B3GAT2: variants seen among roughly 807,000 people sequenced by gnomAD.
B3GAT2 encodes galactosylgalactosylxylosylprotein 3-beta-glucuronosyltransferase 2.
In B3GAT2, 26 loss-of-function variants were observed where a neutral mutation model predicts 27.8. The ratio of observed to expected loss-of-function variants is 0.93; its 90% CI spans 0.68 to 1.30. The LOEUF is 1.30. Ranked by LOEUF, B3GAT2 falls within the 50% of genes most tolerant of loss-of-function variation. The pLI, the probability that B3GAT2 is intolerant of heterozygous loss-of-function variation, is 0.00. For synonymous variants in B3GAT2, 218 were observed against 195.1 expected (o/e 1.12, Z -0.98); for missense variants, 458 against 459.0 (o/e 1.00, Z 0.02).
At chr6:70,868,375 CTCT>C (rs1390321339) in intron 2 of B3GAT2, among the ~76,000 whole-genome samples, 3 of 152,188 alleles carry the variant, frequency 2.0e-5, no homozygotes, top group Non-Finnish European at 4.4e-5. Flanking sequence ...AGCAAGCCTC[CTCT>C]TCTTCCTTCA....
chr6:70,863,752 T>C (rs7769079), intron 2 of B3GAT2, among the ~76,000 whole-genome samples: 18 of 152,272 alleles, frequency 1.2e-4, no homozygotes, highest in African/African-American at 3.8e-4. Context: ...TAAATAAAAA[T>C]ACTATTGTCA....
chr6:70,908,249 A>C (rs1160883243), intron 1 of B3GAT2, among the ~76,000 whole-genome samples: 1 of 152,234 alleles, frequency 6.6e-6, no homozygotes, highest in Non-Finnish European at 1.5e-5. Context: ...AGTTAGTGCT[A>C]GGAGCTATAA....
intron 2 of B3GAT2, among the ~76,000 whole-genome samples, chr6:70,875,673 G>T (rs946471937): frequency 6.6e-6 from 1 of 152,132 alleles, no homozygotes; most frequent in Non-Finnish European, 1.5e-5. Flanking sequence ...GCATGCCTTG[G>T]TTGTTAAACA....
At chr6:70,955,711 G>A (rs944642795) in intron 1 of B3GAT2, 128 bp downstream of exon 1, 2 of 1,149,296 alleles carry the variant, frequency 1.7e-6, no homozygotes, top group South Asian at 1.7e-5. Context: ...TCGGTGCCCC[G>A]AATGCGCGCA....
At chr6:70,894,819 C>T (rs1479263403) in intron 1 of B3GAT2, among the ~76,000 whole-genome samples, 1 of 152,178 alleles carries the variant, frequency 6.6e-6, no homozygotes, top group Non-Finnish European at 1.5e-5. Context: ...AACACATACC[C>T]TAAACATTTG....
intron 2 of B3GAT2, among the ~76,000 whole-genome samples, chr6:70,870,575 T>G (rs974349932): frequency 2.2e-4 from 34 of 151,998 alleles, no homozygotes; most frequent in Non-Finnish European, 4.4e-4. Flanking sequence ...AGAGTTTTCC[T>G]TTTCAACAGA....
chr6:70,878,324 G>A (rs763443430), intron 2 of B3GAT2, among the ~76,000 whole-genome samples: 15 of 152,086 alleles, frequency 9.9e-5, no homozygotes, highest in Non-Finnish European at 1.2e-4. Context: ...TTTAGTTTTT[G>A]GACTCATTGA....
chr6:70,869,337 A>G (rs2150022966), intron 2 of B3GAT2, among the ~76,000 whole-genome samples: 1 of 152,272 alleles, frequency 6.6e-6, no homozygotes, highest in East Asian at 1.9e-4. Flanking sequence ...GTAGTTTTAT[A>G]AGTTTTCAAA....
chr6:70,899,680 T>G (rs963548059), intron 1 of B3GAT2, among the ~76,000 whole-genome samples: 1 of 152,216 alleles, frequency 6.6e-6, no homozygotes, highest in Non-Finnish European at 1.5e-5. Flanking sequence ...CCTCGACCAC[T>G]ATACTATATA....
intron 2 of B3GAT2, among the ~76,000 whole-genome samples, chr6:70,886,013 G>A (rs566921717): frequency 6.0e-4 from 91 of 152,330 alleles, no homozygotes; most frequent in African/African-American, 2.1e-3. Context: ...GCACAGTCTT[G>A]TTTCTTGGTT....
At chr6:70,920,489 A>G (rs933396855) in intron 1 of B3GAT2, among the ~76,000 whole-genome samples, 1 of 152,112 alleles carries the variant, frequency 6.6e-6, no homozygotes, top group African/African-American at 2.4e-5. Context: ...TGCAGAAATT[A>G]CCTGTCTTCT....
intron 1 of B3GAT2, among the ~76,000 whole-genome samples, chr6:70,949,755 G>T (rs1273839906): frequency 6.6e-6 from 1 of 151,778 alleles, no homozygotes; most frequent in Non-Finnish European, 1.5e-5. Context: ...ACATGCACAT[G>T]TATGTTTATT....
chr6:70,947,180 G>C (rs1765500955), intron 1 of B3GAT2, among the ~76,000 whole-genome samples: 2 of 151,758 alleles, frequency 1.3e-5, no homozygotes, highest in Non-Finnish European at 2.9e-5. Context: ...AACTAGAAAA[G>C]CAAGAGCAAA....
chr6:70,889,024 C>T (rs1295678350), intron 2 of B3GAT2, among the ~76,000 whole-genome samples: 1 of 152,180 alleles, frequency 6.6e-6, no homozygotes, highest in South Asian at 2.1e-4. Flanking sequence ...CTCCTTGAGG[C>T]GAGGGGCTGC....
chr6:70,890,261 TC>T (rs994218545), intron 2 of B3GAT2, among the ~76,000 whole-genome samples: 9 of 151,566 alleles, frequency 5.9e-5, no homozygotes, highest in Non-Finnish European at 8.8e-5. Context: ...TTTCCCTGGC[TC>T]CCCCCCTGCA....
intron 2 of B3GAT2, among the ~76,000 whole-genome samples, chr6:70,865,658 A>G (rs547891840): frequency 1.8e-4 from 27 of 152,296 alleles, no homozygotes; most frequent in African/African-American, 6.3e-4. Flanking sequence ...GATAGGGCCT[A>G]CCTCCATATA....
At chr6:70,863,372 G>C (rs1771796733) in intron 2 of B3GAT2, among the ~76,000 whole-genome samples, 1 of 152,192 alleles carries the variant, frequency 6.6e-6, no homozygotes, top group African/African-American at 2.4e-5. Context: ...GCCTTTTGGA[G>C]AAAAGTTAAC....
chr6:70,934,891 T>C (rs1050733560), intron 1 of B3GAT2, among the ~76,000 whole-genome samples: 2 of 152,228 alleles, frequency 1.3e-5, no homozygotes, highest in Non-Finnish European at 2.9e-5. Context: ...TTATGTTTAA[T>C]AGTTAATTAC....
At chr6:70,863,633 C>G (rs1771801659) in intron 2 of B3GAT2, among the ~76,000 whole-genome samples, 1 of 152,108 alleles carries the variant, frequency 6.6e-6, no homozygotes, top group Non-Finnish European at 1.5e-5. Flanking sequence ...TTCCCCATTT[C>G]TTTATTTGCG....
Sources: allele counts gnomAD v4.1 joint callset (sites outside exome capture counted in the v4.1 genomes callset), GRCh38; gene constraint gnomAD v4.1.1; transcripts MANE v1.5; gene names NCBI Gene and HGNC (gene_info 2026-07-23, HGNC 2026-07-21).